BCL2L13: variants seen among roughly 807,000 people sequenced by gnomAD.
BCL2L13 encodes BCL2 like 13.
BCL2L13 carries 13 observed loss-of-function variants against 25.8 expected under a neutral mutation model. That is an observed-to-expected ratio of 0.50 (90% CI 0.33 to 0.80). The LOEUF is 0.80. Ranked by LOEUF, BCL2L13 falls within the 30% of genes least tolerant of loss-of-function variation. BCL2L13 has a pLI of 0.02. For synonymous variants in BCL2L13, 244 were observed against 230.3 expected, an observed-to-expected ratio of 1.06 and a Z score of -0.54; for missense variants, 504 against 574.9, an observed-to-expected ratio of 0.88 and a Z score of 1.26.
chr22:17,680,055 A>G (rs2059689909), intron 2 of BCL2L13, among the ~76,000 whole-genome samples: 2 of 151,766 alleles, frequency 1.3e-5, no homozygotes, highest in African/African-American at 4.8e-5. Flanking sequence ...TCTACTAAAA[A>G]TACAAAAAAT....
chr22:17,646,951 ATATATTTTT>A (rs2058505632), intron 1 of BCL2L13, among the ~76,000 whole-genome samples: 10 of 21,892 alleles, frequency 4.6e-4, no homozygotes, highest in African/African-American at 1.7e-3. Context: ...ATATATATAT[ATATATTTTT>A]TTTTTTTTTT....
At chr22:17,724,654 T>C (rs904846199) in intron 6 of BCL2L13, among the ~76,000 whole-genome samples, 2 of 152,218 alleles carry the variant, frequency 1.3e-5, no homozygotes, top group Admixed American at 1.3e-4. Context: ...GTAGAAAGTT[T>C]TTGGTTTTGG....
At chr22:17,667,493 G>A (rs1224853219) in intron 2 of BCL2L13, among the ~76,000 whole-genome samples, 3 of 150,616 alleles carry the variant, frequency 2.0e-5, no homozygotes, top group East Asian at 2.0e-4. Flanking sequence ...TTTAAATTGA[G>A]TTGTAAGAAG....
intron 1 of BCL2L13, among the ~76,000 whole-genome samples, chr22:17,648,066 G>A (rs1263030402): frequency 6.6e-6 from 1 of 151,706 alleles, no homozygotes; most frequent in African/African-American, 2.4e-5. Flanking sequence ...GGAGGCGAAG[G>A]TTGCAGTGAG....
At chr22:17,698,034 T>G (rs2060316901) in intron 5 of BCL2L13, among the ~76,000 whole-genome samples, 2 of 152,070 alleles carry the variant, frequency 1.3e-5, no homozygotes, top group South Asian at 4.2e-4. Flanking sequence ...CAGGCTGGTC[T>G]CCAACCCTGA....
intron 2 of BCL2L13, 39 bp from the exon 3 acceptor site, chr22:17,683,175 T>G (rs752870938): frequency 2.7e-6 from 3 of 1,129,738 alleles, no homozygotes; most frequent in Non-Finnish European, 4.0e-6. Context: ...ATGGTTTCTC[T>G]CTCCCTCTTT....
At chr22:17,711,105 C>T (rs1312000235) in intron 6 of BCL2L13, among the ~76,000 whole-genome samples, 1 of 151,658 alleles carries the variant, frequency 6.6e-6, no homozygotes, top group African/African-American at 2.4e-5. Context: ...GCCTGTAATC[C>T]CAGCAACTCA....
intron 6 of BCL2L13, among the ~76,000 whole-genome samples, chr22:17,711,289 TTC>T (rs1025255060): frequency 2.8e-5 from 4 of 145,062 alleles, no homozygotes; most frequent in African/African-American, 1.0e-4. Flanking sequence ...TTTCCCTTAT[TTC>T]TTCATGATGG....
chr22:17,643,687 G>A (rs954253575), intron 1 of BCL2L13, among the ~76,000 whole-genome samples: 1 of 152,056 alleles, frequency 6.6e-6, no homozygotes. Context: ...GAGTGCAGTG[G>A]TGCGATCTCG....
intron 1 of BCL2L13, among the ~76,000 whole-genome samples, chr22:17,649,874 T>TC (rs199577859): frequency 0.019 from 2,655 of 137,220 alleles, 73 homozygotes; most frequent in African/African-American, 0.076. Context: ...TTCTTTTCTT[T>TC]TTTTTTTTTT....
intron 1 of BCL2L13, among the ~76,000 whole-genome samples, chr22:17,632,818 A>G (rs1336136878): frequency 6.7e-6 from 1 of 149,522 alleles, no homozygotes; most frequent in Non-Finnish European, 1.5e-5. Flanking sequence ...CAGTGGTGCA[A>G]TCTTGGCTCA....
At chr22:17,652,225 A>G (rs1037370818) in intron 1 of BCL2L13, among the ~76,000 whole-genome samples, 9 of 152,034 alleles carry the variant, frequency 5.9e-5, no homozygotes, top group South Asian at 4.1e-4. Context: ...TTTTGTAGAA[A>G]TGGGATTTCG....
rs151119093 is a variant in BCL2L13, at chr22:17,659,221, A to G, written c.121+3389A>G. ...TCTACTAAAAATACAAAAATTAGCT[A>G]GGTATGTTGGCGGATGCCTGTAGTC... is the stretch of plus-strand genomic sequence containing the variant. On this transcript the variant is annotated intron_variant, in intron 2 of 6. Transcript: ENST00000317582. Among the ~76,000 whole-genome samples the G allele has an allele frequency of 5.1e-3, 745 of 145,540 alleles. 26 individuals carry two copies. The highest frequency in any genetic ancestry group is 0.017 in the African/African-American group (718 of 41,098).
Position 17,661,138 on chromosome 22 carries a change from G to A in BCL2L13, c.121+5306G>A, listed in dbSNP as rs1298465713. On this transcript the variant is annotated intron_variant, in intron 2 of 6. Transcript: ENST00000317582. The stretch of plus-strand genomic sequence containing the variant: ...CTGGACATTTCATTTTGTCACCCAG[G>A]TTAGAGTGCAGTGGCACGTTCTCAG... Among the ~76,000 whole-genome samples the A allele has an allele frequency of 2.1e-5, 3 of 144,910 alleles. No individual in the cohort carries two copies. In the Admixed American group the frequency reaches 2.1e-4, roughly 10 times the overall value.
chr22:17,728,861 A>G lies in BCL2L13; in HGVS notation c.*1327A>G, dbSNP rs1054379854. 13 of 152,224 alleles carry G rather than the reference A, an allele frequency of 8.5e-5. No homozygotes were observed. The highest frequency in any genetic ancestry group is 1.8e-4 in the Non-Finnish European group (12 of 68,054). 9.4% of individuals were successfully genotyped at this position (152,224 alleles called of 1,614,324 possible). On this transcript the variant is annotated 3_prime_UTR_variant, in exon 7 of 7. Transcript: ENST00000317582. ...CCTAATCAGTATATGCTAGTTGAGC[A>G]TCGGCATAATTTTCTTTCCTCTGGC...
At position 17,649,871 on chromosome 22, in the gene BCL2L13, C is replaced by CTT. The variant is rs71201855; in HGVS notation, c.-50-5774_-50-5773dup. Among the ~76,000 whole-genome samples the CTT allele has an allele frequency of 1.4e-4, 13 of 94,374 alleles. 1 individual carries two copies. The highest frequency in any genetic ancestry group is 3.6e-4 in the African/African-American group (9 of 25,324). 61.9% of individuals were successfully genotyped at this position (94,374 alleles called of 152,430 possible). On this transcript the variant is annotated intron_variant, in intron 1 of 6. Coordinates refer to ENST00000317582, the MANE Select transcript of BCL2L13 (RefSeq NM_015367.4). The stretch of plus-strand genomic sequence containing the variant: ...TATTCTCCCCTCTTTTTTTTCTTTT[C>CTT]TTTTTTTTTTTTTTTTTTGAGATGG...
At chr22:17,704,001 T>G (rs1018855287) in intron 6 of BCL2L13, among the ~76,000 whole-genome samples, 1 of 152,240 alleles carries the variant, frequency 6.6e-6, no homozygotes, top group African/African-American at 2.4e-5. Context: ...TTGGTGATTG[T>G]AATTGGTTAC....
chr22:17,679,592 A>T (rs941227423), intron 2 of BCL2L13, among the ~76,000 whole-genome samples: 1 of 151,616 alleles, frequency 6.6e-6, no homozygotes. Context: ...TTTATCCTAA[A>T]TTTTTTGTTT....
At chr22:17,646,944 TATATATATA>T (rs2058501259) in intron 1 of BCL2L13, among the ~76,000 whole-genome samples, 1 of 33,102 alleles carries the variant, frequency 3.0e-5, no homozygotes, top group African/African-American at 1.3e-4. Flanking sequence ...TATATATATA[TATATATATA>T]TATTTTTTTT....
Sources: gnomAD v4.1 joint callset for allele counts (sites outside exome capture counted in the v4.1 genomes callset) on GRCh38, gnomAD v4.1.1 for gene constraint, MANE v1.5 for transcripts, NCBI Gene and HGNC (gene_info 2026-07-23, HGNC 2026-07-21) for gene names.